The following ARFGEF3 variants were observed in gnomAD, a reference collection of about 807,000 sequenced individuals.
ARFGEF3 encodes ARFGEF family member 3.
Under a neutral mutation model 221.7 loss-of-function variants are expected in ARFGEF3, and 96 were observed. The observed-to-expected ratio is 0.43, with a 90% CI of 0.37 to 0.51. ARFGEF3 has a LOEUF of 0.51. Ranked by LOEUF, ARFGEF3 falls within the 20% of genes least tolerant of loss-of-function variation. The probability of loss-of-function intolerance (pLI) is 0.00; values close to 1 mark genes in which losing one functional copy is unlikely to be tolerated. For missense variants in ARFGEF3, 2,410 were observed against 2,789.9 expected, an observed-to-expected ratio of 0.86 and a Z score of 3.07; for synonymous variants, 1,145 against 1,126.8, an observed-to-expected ratio of 1.02 and a Z score of -0.32.
intron 4 of ARFGEF3, among the ~76,000 whole-genome samples, chr6:138,219,582 C>T (rs1216408045): frequency 6.6e-6 from 1 of 152,154 alleles, no homozygotes; most frequent in East Asian, 1.9e-4. Context: ...TGGCTGAGTG[C>T]ACTGACCTGG....
Position 138,263,038 on chromosome 6 carries a change from G to A in ARFGEF3, c.1555G>A (p.Glu519Lys), listed in dbSNP as rs1381149789. The A allele has an allele frequency of 3.1e-6, 5 of 1,611,100 alleles. No individual in the cohort carries two copies. The South Asian group carries it at 3.3e-5, about 11-fold the overall frequency. The change falls in exon 12 of 34, where the codon GAG becomes AAG. Residue 519 changes from glutamate (E) to lysine (K), a missense_variant. Coordinates refer to ENST00000251691, the MANE Select transcript of ARFGEF3 (RefSeq NM_020340.5). The part of the protein sequence containing the change: ...TDTGQTTLEG[E>K]LGQTTPEDHS... The stretch of plus-strand genomic sequence containing the variant: ...CACAGGCCAGACCACTCTCGAGGGA[G>A]AGTTGGGTCAGACTACACCCGAGGA...
At chr6:138,165,163 C>G (rs1461015182) in intron 1 of ARFGEF3, among the ~76,000 whole-genome samples, 1 of 150,046 alleles carries the variant, frequency 6.7e-6, no homozygotes, top group Non-Finnish European at 1.5e-5. Flanking sequence ...CTGAGACCCT[C>G]ATGAGAGAGA....
rs371919461 is a variant in ARFGEF3 at position 138,292,004 on chromosome 6, G to C, written c.3319G>C (p.Gly1107Arg). ...CTTCCGCGGCGGGAGCCTCATGAGCGGGAGCAGCGCGGCCAAGGTGGTGCT... is the reference window on the plus strand; with the variant it reads ...CTTCCGCGGCGGGAGCCTCATGAGCCGGAGCAGCGCGGCCAAGGTGGTGCT... ...SDFRGGSLMS[G>R]SSAAKVVLTL... The change falls in exon 19 of 34, where the codon GGG becomes CGG. Residue 1107 changes from glycine (G) to arginine (R), a missense_variant. Physicochemically the swap from Gly to Arg is moderately radical, Grantham distance 125. This residue lies in a region of ARFGEF3 where 184 missense variants were observed against 141.8 expected (regional missense o/e 1.30). Transcript: ENST00000251691. The C allele has an allele frequency of 6.3e-5, 97 of 1,531,532 alleles. No homozygotes were observed. The highest frequency in any genetic ancestry group is 1.7e-4 in the Middle Eastern group (1 of 5,830). The allele number at this position is 1,531,532 out of a possible 1,614,324, so 94.9% of individuals were successfully genotyped here.
At chr6:138,216,464 T>C (rs1777861585) in intron 4 of ARFGEF3, 1 of 152,136 alleles carries the variant, frequency 6.6e-6, no homozygotes, top group Non-Finnish European at 1.5e-5. Context: ...GTCAGTGCCT[T>C]GGTCTGGGAG....
chr6:138,189,680 G>A (rs1161602743), intron 2 of ARFGEF3, among the ~76,000 whole-genome samples: 1 of 152,118 alleles, frequency 6.6e-6, no homozygotes, highest in East Asian at 1.9e-4. Context: ...AGGAAGGAAA[G>A]TCGTTTTACT....
At chr6:138,248,902 G>A (rs971446770) in intron 8 of ARFGEF3, among the ~76,000 whole-genome samples, 4 of 152,146 alleles carry the variant, frequency 2.6e-5, no homozygotes, top group African/African-American at 9.7e-5. Context: ...AACACGGATA[G>A]GCTTAAAACA....
Position 138,238,578 on chromosome 6 carries a change from A to G in ARFGEF3, c.490A>G (p.Ser164Gly). ...AAACACTGCTGTGCGGGCAACTCTC[A>G]GTCAAATGCTGAGTGACTTGACTTT... ...SINTAVRATL[S>G]QMLSDLTLQL... The change falls in exon 6 of 34, where the codon AGT becomes GGT. Residue 164 changes from serine (S) to glycine (G), a missense_variant. By Grantham distance (56) the Ser-to-Gly change is moderately conservative (BLOSUM62 0). Transcript: ENST00000251691. 6.2e-7 allele frequency: 1 copy of G among 1,613,866 alleles called. No homozygotes were observed. Among genetic ancestry groups the G allele is most frequent in the Non-Finnish European group, 8.5e-7 (1 of 1,179,792 alleles).
intron 5 of ARFGEF3, among the ~76,000 whole-genome samples, chr6:138,235,473 A>G (rs764398897): frequency 2.8e-4 from 42 of 152,250 alleles, no homozygotes; most frequent in Admixed American, 5.2e-4. Context: ...ATGGGCAGGT[A>G]GAACCAATAA....
intron 2 of ARFGEF3, among the ~76,000 whole-genome samples, chr6:138,185,129 A>G (rs1246067716): frequency 6.6e-6 from 1 of 152,174 alleles, no homozygotes; most frequent in Non-Finnish European, 1.5e-5. Context: ...CCTGCATCAG[A>G]ATATGAGAGG....
chr6:138,261,654 C>A lies in ARFGEF3; in HGVS notation c.1217+15C>A. 1 of 1,436,808 alleles carries A rather than the reference C, an allele frequency of 7.0e-7. No individual in the cohort carries two copies. Among genetic ancestry groups the A allele is most frequent in the Non-Finnish European group, 9.4e-7 (1 of 1,063,056 alleles). The allele number at this position is 1,436,808 out of a possible 1,614,324, so 89.0% of individuals were successfully genotyped here. A position where few individuals can be genotyped will look rare whatever the true frequency, so the allele number is the denominator to read the frequency against. ...CTCCTCAAACTGTATGATGTTTATCCTTTTAAGTCTTTATTGAGGCTGCTT... is the reference window on the plus strand; with the variant it reads ...CTCCTCAAACTGTATGATGTTTATCATTTTAAGTCTTTATTGAGGCTGCTT... On this transcript the variant is annotated intron_variant, in intron 11 of 33. Coordinates refer to ENST00000251691, the MANE Select transcript of ARFGEF3 (RefSeq NM_020340.5).
At chr6:138,258,582 A>G (rs6918180) in intron 10 of ARFGEF3, among the ~76,000 whole-genome samples, 34,586 of 152,126 alleles carry the variant, frequency 0.23, 6,444 homozygotes, top group African/African-American at 0.5. Context: ...CCGCCATTTA[A>G]CAATTGATTA....
chr6:138,265,174 A>T (rs998215275), intron 12 of ARFGEF3, among the ~76,000 whole-genome samples: 1 of 152,148 alleles, frequency 6.6e-6, no homozygotes, highest in South Asian at 2.1e-4. Flanking sequence ...AAGTGCTGGG[A>T]TTACAGGCAT....
intron 5 of ARFGEF3, among the ~76,000 whole-genome samples, chr6:138,232,230 G>A (rs960707581): frequency 2.0e-5 from 3 of 152,198 alleles, no homozygotes; most frequent in African/African-American, 7.2e-5. Context: ...GGTGGGGCTG[G>A]GCACGGTGGC....
intron 2 of ARFGEF3, among the ~76,000 whole-genome samples, chr6:138,183,747 C>A (rs1365703050): frequency 1.3e-5 from 2 of 152,154 alleles, no homozygotes; most frequent in African/African-American, 4.8e-5. Flanking sequence ...CCTACATATG[C>A]CTTTTGGGAC....
intron 14 of ARFGEF3, among the ~76,000 whole-genome samples, chr6:138,285,229 C>A (rs912768659): frequency 6.6e-6 from 1 of 151,048 alleles, no homozygotes; most frequent in Non-Finnish European, 1.5e-5. Context: ...TTTGGGAGGC[C>A]GAGGCAGGCA....
intron 11 of ARFGEF3, among the ~76,000 whole-genome samples, chr6:138,262,187 C>CTTTTT (rs11393341): frequency 2.3e-5 from 3 of 127,890 alleles, no homozygotes; most frequent in Non-Finnish European, 3.2e-5. Context: ...ATGCAGACCA[C>CTTTTT]TTTTTTTTTT....
At chr6:138,207,912 T>C (rs1266298006) in intron 3 of ARFGEF3, among the ~76,000 whole-genome samples, 2 of 152,184 alleles carry the variant, frequency 1.3e-5, no homozygotes, top group Non-Finnish European at 1.5e-5. Context: ...ATAAAACCTA[T>C]GAAATAGTGA....
At chr6:138,245,135 G>A (rs544598446) in intron 7 of ARFGEF3, among the ~76,000 whole-genome samples, 2 of 151,980 alleles carry the variant, frequency 1.3e-5, no homozygotes, top group South Asian at 2.1e-4. Flanking sequence ...AACCTGTCTC[G>A]ACTAAAAATA....
rs1052131757 is a variant in ARFGEF3 at position 138,341,850 on chromosome 6, C to A, written c.*5364C>A. The A allele has an allele frequency of 2.0e-5, 3 of 152,136 alleles. No individual in the cohort carries two copies. The highest frequency in any genetic ancestry group is 7.2e-5 in the African/African-American group (3 of 41,420). 9.4% of individuals were successfully genotyped at this position (152,136 alleles called of 1,614,324 possible). A position where few individuals can be genotyped will look rare whatever the true frequency, so the allele number is the denominator to read the frequency against. ...AAATATCTCCTGAGATCATTGGTTT[C>A]TTTATAAATTGTGGTACCACTCCAT... is the stretch of plus-strand genomic sequence containing the variant. On this transcript the variant is annotated 3_prime_UTR_variant, in exon 34 of 34. Transcript: ENST00000251691.
Sources: gnomAD v4.1 joint callset for allele counts (sites outside exome capture counted in the v4.1 genomes callset) on GRCh38, gnomAD v4.1.1 for gene constraint, gnomAD v4.1.1 regional missense constraint, MANE v1.5 for transcripts, NCBI Gene and HGNC (gene_info 2026-07-23, HGNC 2026-07-21) for gene names.